Variants in ZC3H6 observed in about 807,000 individuals in gnomAD.
ZC3H6 encodes zinc finger CCCH-type containing 6.
Under a neutral mutation model 107.7 loss-of-function variants are expected in ZC3H6, and 40 were observed. That is an observed-to-expected ratio of 0.37 (90% confidence interval 0.29 to 0.48). The LOEUF (loss-of-function observed/expected upper bound fraction) is 0.48, where lower values mean the gene tolerates loss of function less well. ZC3H6 is among the 20% of genes least tolerant of loss of function. ZC3H6 has a pLI of 0.98. For synonymous variants in ZC3H6, 493 were observed against 487.9 expected, an observed-to-expected ratio of 1.01 and a Z score of -0.14; for missense variants, 1,267 against 1,410.4, an observed-to-expected ratio of 0.90 and a Z score of 1.63.
At chr2:112,288,078 G>T (rs905233665) in intron 1 of ZC3H6, among the ~76,000 whole-genome samples, 2 of 152,190 alleles carry the variant, frequency 1.3e-5, no homozygotes, top group Non-Finnish European at 2.9e-5. Context: ...TTTTATTGTT[G>T]CCTTGGGGAG....
chr2:112,331,229 C>T lies in ZC3H6; in HGVS notation c.2311C>T (p.Pro771Ser). ...RTIPRQDIRK[P>S]SESAPLDLRL... ...TATCCCAAGGCAAGACATTAGAAAG[C>T]CTTCTGAGTCTGCCCCACTGGATCT... is the stretch of plus-strand genomic sequence containing the variant. Residue 771 changes from proline (P) to serine (S), a missense_variant, in exon 12 of 12, where the codon CCT (proline) becomes TCT (serine). Physicochemically the swap from Pro to Ser is moderately conservative, Grantham distance 74. Around this residue, in one of 3 missense-constraint regions of ZC3H6, gnomAD observed 925 missense variants for 1,025.7 expected, o/e 0.90. Coordinates refer to ENST00000409871, the MANE Select transcript of ZC3H6 (RefSeq NM_198581.3). 1 of 1,613,408 alleles carries T rather than the reference C, an allele frequency of 6.2e-7. No homozygotes were observed. Among genetic ancestry groups the T allele is most frequent in the Non-Finnish European group, 8.5e-7 (1 of 1,179,710 alleles).
intron 3 of ZC3H6, among the ~76,000 whole-genome samples, chr2:112,305,059 C>T (rs981194791): frequency 2.0e-5 from 3 of 152,096 alleles, no homozygotes; most frequent in African/African-American, 4.8e-5. Flanking sequence ...ATTTTAGAGT[C>T]AGTGGTTGTT....
In ZC3H6 at chr2:112,297,725, G is replaced by A. The variant is rs138239981; in HGVS notation, c.33-2124G>A. 8.2e-3 allele frequency among the ~76,000 whole-genome samples: 1,246 copies of A among 152,292 alleles called. 5 individuals carry two copies. Among genetic ancestry groups the A allele is most frequent in the Middle Eastern group, 0.017 (5 of 294 alleles). On this transcript the variant is annotated intron_variant, in intron 1 of 11. Coordinates refer to ENST00000409871, the MANE Select transcript of ZC3H6 (RefSeq NM_198581.3). ...CTATGAATCTTTTTTACAGATTCAAGTTGAGGAATTGTTTTGTGGCTTGAG... is the reference window on the plus strand; with the variant it reads ...CTATGAATCTTTTTTACAGATTCAAATTGAGGAATTGTTTTGTGGCTTGAG...
In ZC3H6 at chr2:112,334,657, A is replaced by C. The variant is rs1677106225; in HGVS notation, c.*2169A>C. On this transcript the variant is annotated 3_prime_UTR_variant, in exon 12 of 12. Transcript: ENST00000409871. Reference sequence around the variant, plus strand: ...CAAATTTGACAATATATTTTATATGAAAATGTTTATGTTTAAAATAACTTA... The same window carrying C: ...CAAATTTGACAATATATTTTATATGCAAATGTTTATGTTTAAAATAACTTA... The C allele has an allele frequency of 1.3e-5, 2 of 152,698 alleles. No individual in the cohort carries two copies. The highest frequency in any genetic ancestry group is 3.9e-4 in the East Asian group (2 of 5,190). 9.5% of individuals were successfully genotyped at this position (152,698 alleles called of 1,614,324 possible).
chr2:112,277,174 G>A (rs1339016082), intron 1 of ZC3H6, among the ~76,000 whole-genome samples: 1 of 152,116 alleles, frequency 6.6e-6, no homozygotes, highest in Non-Finnish European at 1.5e-5. Context: ...AATAATAAAA[G>A]TAGATTCCCA....
Position 112,317,350 on chromosome 2 carries a change from TG to T in ZC3H6, c.976+19del, listed in dbSNP as rs1676718549. 7.6e-7 allele frequency: 1 copy of T among 1,313,292 alleles called. No individual in the cohort carries two copies. Among genetic ancestry groups the T allele is most frequent in the Non-Finnish European group, 1.1e-6 (1 of 950,586 alleles). The allele number at this position is 1,313,292 out of a possible 1,614,324, so 81.4% of individuals were successfully genotyped here. A position where few individuals can be genotyped will look rare whatever the true frequency, so the allele number is the denominator to read the frequency against. ...TATGCATAATATCCTTTATTTAAAATGTATGTTAAATAAAATGCTGGGGTTT... is the reference window on the plus strand; with the variant it reads ...TATGCATAATATCCTTTATTTAAAATTATGTTAAATAAAATGCTGGGGTTT... On this transcript the variant is annotated intron_variant, in intron 7 of 11. Transcript: ENST00000409871.
In ZC3H6 at chr2:112,336,531, A is replaced by T. The variant is rs1490341408; in HGVS notation, c.*4043A>T. On this transcript the variant is annotated 3_prime_UTR_variant, in exon 12 of 12. Transcript: ENST00000409871. ...GGAAATCCAAGTTTTGACATATATA[A>T]CCAAACGGCCTAAGAGTTCAAAGCT... 1 of 152,202 alleles carries T rather than the reference A, an allele frequency of 6.6e-6. No homozygotes were observed. The highest frequency in any genetic ancestry group is 6.5e-5 in the Admixed American group (1 of 15,282). 9.4% of individuals were successfully genotyped at this position (152,202 alleles called of 1,614,324 possible).
At chr2:112,321,700 TAA>T in intron 7 of ZC3H6, 54 bp from the exon 8 acceptor site, 1 of 1,044,938 alleles carries the variant, frequency 9.6e-7, no homozygotes, top group Non-Finnish European at 1.4e-6. Flanking sequence ...GGTTTTGGTT[TAA>T]AAAAAAATTA....
At chr2:112,324,836 C>CTT (rs1470772679) in intron 10 of ZC3H6, 128 bp from the exon 11 acceptor site, 1 of 1,136,064 alleles carries the variant, frequency 8.8e-7, no homozygotes, top group African/African-American at 1.6e-5. Context: ...TTTTAGATAA[C>CTT]TTTTAGAAAT....
Position 112,311,799 on chromosome 2 carries a change from T to C in ZC3H6, c.614-5T>C, listed in dbSNP as rs759945645. ...TTAAATTTAAGTACATTTTAACTTT[T>C]CTAGGTATTGAACAGAGAGTTAAAA... On this transcript the variant is annotated splice_region_variant and splice_polypyrimidine_tract_variant and intron_variant, in intron 4 of 11. Transcript: ENST00000409871. 5.6e-6 allele frequency: 9 copies of C among 1,601,824 alleles called. No individual in the cohort carries two copies. The African/African-American group carries it at 1.1e-4, about 19-fold the overall frequency.
intron 11 of ZC3H6, among the ~76,000 whole-genome samples, chr2:112,328,425 A>G (rs1228448076): frequency 6.6e-6 from 1 of 152,208 alleles, no homozygotes; most frequent in Non-Finnish European, 1.5e-5. Flanking sequence ...TGCTTTGGGT[A>G]GTATGGACAT....
chr2:112,277,407 T>C (rs2104688392), intron 1 of ZC3H6, among the ~76,000 whole-genome samples: 1 of 152,206 alleles, frequency 6.6e-6, no homozygotes, highest in South Asian at 2.1e-4. Flanking sequence ...TTTTTTAATA[T>C]GGAAGAATAT....
At chr2:112,279,569 G>T (rs574886044) in intron 1 of ZC3H6, among the ~76,000 whole-genome samples, 2 of 151,964 alleles carry the variant, frequency 1.3e-5, no homozygotes, top group South Asian at 4.2e-4. Flanking sequence ...CCCTTCCCTC[G>T]CAGCTTTCTG....
chr2:112,278,508 C>T lies in ZC3H6; in HGVS notation c.32+2482C>T, dbSNP rs567274507. On this transcript the variant is annotated intron_variant, in intron 1 of 11. Transcript: ENST00000409871. ...AATTTTTTGTATTTTTAGTAGAGAC[C>T]ACGTTTCATCATGTTGGACAGGCTG... Among the ~76,000 whole-genome samples, 3 of 152,078 alleles carry T rather than the reference C, an allele frequency of 2.0e-5. No homozygotes were observed. The East Asian group carries it at 5.8e-4, about 30-fold the overall frequency.
rs368342883 is a variant in ZC3H6 at position 112,317,598 on chromosome 2, A to G, written c.976+266A>G. ...TATAATCAGCTTAAAGTATTTCAAG[A>G]GATTGTGCTTCCTGAAGGAGTAGTT... On this transcript the variant is annotated intron_variant, in intron 7 of 11. Coordinates refer to ENST00000409871, the MANE Select transcript of ZC3H6 (RefSeq NM_198581.3). 2.6e-5 allele frequency among the ~76,000 whole-genome samples: 4 copies of G among 152,264 alleles called. No individual in the cohort carries two copies. The South Asian group carries it at 8.3e-4, about 32-fold the overall frequency.
chr2:112,279,521 T>C (rs1686490164), intron 1 of ZC3H6, among the ~76,000 whole-genome samples: 1 of 152,196 alleles, frequency 6.6e-6, no homozygotes, highest in Admixed American at 6.5e-5. Context: ...AATACTCCCC[T>C]TTGGGAGGAG....
intron 1 of ZC3H6, among the ~76,000 whole-genome samples, chr2:112,287,640 G>T (rs79257134): frequency 6.6e-6 from 1 of 151,530 alleles, no homozygotes; most frequent in Non-Finnish European, 1.5e-5. Context: ...TTGTTCTGTC[G>T]CCCAGGCTGG....
At position 112,298,337 on chromosome 2, in the gene ZC3H6, A is replaced by G. The variant is rs72943955; in HGVS notation, c.33-1512A>G. ...CAATATAACAGGCAGGGAAAATTCA[A>G]CTTCACTAGTCATCAAAGAAAGTAA... is the stretch of plus-strand genomic sequence containing the variant. On this transcript the variant is annotated intron_variant, in intron 1 of 11. Coordinates refer to ENST00000409871, the MANE Select transcript of ZC3H6 (RefSeq NM_198581.3). 4.2e-3 allele frequency among the ~76,000 whole-genome samples: 643 copies of G among 152,276 alleles called. 6 individuals carry two copies. The highest frequency in any genetic ancestry group is 0.014 in the African/African-American group (599 of 41,552).
rs1218661757 is a variant in ZC3H6 at position 112,275,752 on chromosome 2, G to A, written c.-243G>A. On this transcript the variant is annotated 5_prime_UTR_variant, in exon 1 of 12. Transcript: ENST00000409871. ...GAATAGAGACTAGAGCGGCAGCGCC[G>A]GCAGCGCGGGGCCGTTGCCCAGTGT... is the stretch of plus-strand genomic sequence containing the variant. 7.0e-6 allele frequency: 3 copies of A among 430,676 alleles called. No homozygotes were observed. The highest frequency in any genetic ancestry group is 1.2e-5 in the Non-Finnish European group (3 of 242,810). 26.7% of individuals were successfully genotyped at this position (430,676 alleles called of 1,614,324 possible).
Sources: allele counts gnomAD v4.1 joint callset (sites outside exome capture counted in the v4.1 genomes callset), GRCh38; gene constraint gnomAD v4.1.1; regional missense constraint gnomAD v4.1.1; transcripts MANE v1.5; gene names NCBI Gene and HGNC (gene_info 2026-07-23, HGNC 2026-07-21).